MAGI1: variants seen among roughly 807,000 people sequenced by gnomAD.
The protein encoded by MAGI1 is membrane associated guanylate kinase, WW and PDZ domain containing 1, also known as membrane-associated guanylate kinase, WW and PDZ domain-containing protein 1.
MAGI1 carries 58 observed loss-of-function variants against 139.9 expected under a neutral mutation model. The observed-to-expected ratio is 0.41, with a 90% CI of 0.34 to 0.52. The LOEUF (loss-of-function observed/expected upper bound fraction) is 0.52, where lower values mean the gene tolerates loss of function less well. Ranked by LOEUF, MAGI1 falls within the 20% of genes least tolerant of loss-of-function variation. The pLI, the probability that MAGI1 is intolerant of heterozygous loss-of-function variation, is 0.12. For missense variants in MAGI1, 1,874 were observed against 1,901.6 expected, an observed-to-expected ratio of 0.99 and a Z score of 0.27; for synonymous variants, 812 against 737.9, an observed-to-expected ratio of 1.10 and a Z score of -1.63.
chr3:65,605,216 G>C (rs2082680378), intron 2 of MAGI1, among the ~76,000 whole-genome samples: 1 of 152,066 alleles, frequency 6.6e-6, no homozygotes. Flanking sequence ...CCTTAAAATT[G>C]CACAATTTAC....
At chr3:65,655,837 AT>A (rs1276159130) in intron 1 of MAGI1, among the ~76,000 whole-genome samples, 12 of 152,320 alleles carry the variant, frequency 7.9e-5, no homozygotes, top group African/African-American at 2.9e-4. Flanking sequence ...TTGAATTCCA[AT>A]TCCAATGCCC....
intron 1 of MAGI1, among the ~76,000 whole-genome samples, chr3:65,772,382 G>T (rs1332005577): frequency 6.6e-6 from 1 of 152,090 alleles, no homozygotes; most frequent in African/African-American, 2.4e-5. Flanking sequence ...ATTCAGGGGG[G>T]ACTTGAGTAC....
At chr3:65,736,733 G>T (rs972386848) in intron 1 of MAGI1, among the ~76,000 whole-genome samples, 13 of 152,182 alleles carry the variant, frequency 8.5e-5, no homozygotes, top group Admixed American at 2.6e-4. Flanking sequence ...GCAAAGGACT[G>T]GATGATGCCC....
chr3:65,374,272 C>G (rs1394386695), intron 18 of MAGI1, among the ~76,000 whole-genome samples: 1 of 148,900 alleles, frequency 6.7e-6, no homozygotes, highest in Non-Finnish European at 1.5e-5. Flanking sequence ...AACTAATTCT[C>G]TAAAGGATCT....
intron 2 of MAGI1, among the ~76,000 whole-genome samples, chr3:65,528,491 A>G (rs946513065): frequency 6.6e-6 from 1 of 152,210 alleles, no homozygotes; most frequent in Admixed American, 6.5e-5. Context: ...GGAAACTCCA[A>G]TGAACTTATA....
intron 2 of MAGI1, among the ~76,000 whole-genome samples, chr3:65,562,539 A>C (rs2080410421): frequency 6.6e-6 from 1 of 152,152 alleles, no homozygotes; most frequent in Non-Finnish European, 1.5e-5. Flanking sequence ...CCCAGGCTAT[A>C]GTACAGTGGC....
chr3:65,961,159 G>C (rs1366420859), intron 1 of MAGI1, among the ~76,000 whole-genome samples: 1 of 152,182 alleles, frequency 6.6e-6, no homozygotes, highest in East Asian at 1.9e-4. Flanking sequence ...TGTCCATTTG[G>C]TGTACCCCTG....
chr3:65,952,228 G>T (rs2063897621), intron 1 of MAGI1, among the ~76,000 whole-genome samples: 1 of 152,162 alleles, frequency 6.6e-6, no homozygotes, highest in Non-Finnish European at 1.5e-5. Flanking sequence ...TGATGAATCT[G>T]TGTGTCTGTT....
At chr3:65,857,566 G>A (rs568557565) in intron 1 of MAGI1, among the ~76,000 whole-genome samples, 2 of 152,286 alleles carry the variant, frequency 1.3e-5, no homozygotes, top group African/African-American at 2.4e-5. Flanking sequence ...AATCGCTCAG[G>A]CTGCCTTGGT....
At chr3:65,484,954 A>C (rs1559597591) in intron 3 of MAGI1, among the ~76,000 whole-genome samples, 1 of 152,232 alleles carries the variant, frequency 6.6e-6, no homozygotes, top group Non-Finnish European at 1.5e-5. Context: ...GCCAGGAGCC[A>C]CATCTGATTT....
At chr3:65,603,335 C>T (rs2082567322) in intron 2 of MAGI1, among the ~76,000 whole-genome samples, 1 of 151,904 alleles carries the variant, frequency 6.6e-6, no homozygotes. Flanking sequence ...GATTAACAGA[C>T]CAAAAAATAT....
At chr3:65,672,284 C>T (rs910559378) in intron 1 of MAGI1, among the ~76,000 whole-genome samples, 1 of 152,190 alleles carries the variant, frequency 6.6e-6, no homozygotes, top group African/African-American at 2.4e-5. Flanking sequence ...AATCCCAGAT[C>T]CTATCTCCAA....
chr3:65,441,724 G>C (rs1204878662), intron 8 of MAGI1, among the ~76,000 whole-genome samples: 1 of 152,212 alleles, frequency 6.6e-6, no homozygotes, highest in Non-Finnish European at 1.5e-5. Flanking sequence ...CAGAGGGGCA[G>C]CCAAGTTTGC....
intron 1 of MAGI1, among the ~76,000 whole-genome samples, chr3:65,638,665 A>G (rs1302909667): frequency 5.7e-5 from 7 of 122,558 alleles, no homozygotes; most frequent in Admixed American, 5.3e-4. Context: ...GCTGGAGTGC[A>G]GTGGTGCGAT....
chr3:65,405,728 G>A (rs1945280325), intron 12 of MAGI1, among the ~76,000 whole-genome samples: 1 of 152,234 alleles, frequency 6.6e-6, no homozygotes, highest in East Asian at 1.9e-4. Context: ...CTGAGTAGCT[G>A]GGATTACAGG....
chr3:66,025,536 C>CAAAAACAA (rs1013437572), intron 1 of MAGI1, among the ~76,000 whole-genome samples: 1 of 150,380 alleles, frequency 6.6e-6, no homozygotes, highest in Non-Finnish European at 1.5e-5. Flanking sequence ...GGCTCTGTCT[C>CAAAAACAA]AAAAACAAAA....
At position 65,609,881 on chromosome 3, in the gene MAGI1, T is replaced by A. The variant is rs182202100; in HGVS notation, c.430+12091A>T. On this transcript the variant is annotated intron_variant, in intron 2 of 22. Coordinates refer to ENST00000402939, the MANE Select transcript of MAGI1 (RefSeq NM_001033057.2). ...CTTGAGCCATCACGCCCTGCTTCCT[T>A]CAGTTTTTTTAAAGGGTCTCTGTTA... 4.2e-3 allele frequency: 388 copies of A among 91,542 alleles called. 3 individuals are homozygous for A. Among genetic ancestry groups the A allele is most frequent in the Admixed American group, 5.7e-3 (51 of 8,910 alleles). 5.7% of individuals were successfully genotyped at this position (91,542 alleles called of 1,614,324 possible). A position where few individuals can be genotyped will look rare whatever the true frequency, so the allele number is the denominator to read the frequency against.
chr3:65,703,146 A>C (rs2089731090), intron 1 of MAGI1, among the ~76,000 whole-genome samples: 1 of 152,130 alleles, frequency 6.6e-6, no homozygotes, highest in South Asian at 2.1e-4. Context: ...CTGTTTTGGC[A>C]GGGGGTGGCT....
chr3:65,816,975 C>T (rs1332592372), intron 1 of MAGI1, among the ~76,000 whole-genome samples: 1 of 152,156 alleles, frequency 6.6e-6, no homozygotes, highest in Non-Finnish European at 1.5e-5. Flanking sequence ...AATAATGGAG[C>T]ATTTATGCAT....
Sources: allele counts gnomAD v4.1 joint callset (sites outside exome capture counted in the v4.1 genomes callset), GRCh38; gene constraint gnomAD v4.1.1; transcripts MANE v1.5; gene names NCBI Gene and HGNC (gene_info 2026-07-23, HGNC 2026-07-21).